Variants in CCSER1 observed in about 807,000 individuals in gnomAD.
The protein encoded by CCSER1 is serine-rich coiled-coil domain-containing protein 1.
A neutral mutation model predicts 82.0 loss-of-function variants in CCSER1; 41 were observed. The observed-to-expected ratio is 0.50, with a 90% CI of 0.39 to 0.65. The LOEUF (loss-of-function observed/expected upper bound fraction) is 0.65, where lower values mean the gene tolerates loss of function less well. Among genes scored for constraint, CCSER1 ranks in the 30% least tolerant of loss-of-function variants. The pLI is 0.00. For missense variants in CCSER1, 1,119 were observed against 1,064.2 expected (o/e 1.05, Z -0.72); for synonymous variants, 414 against 383.9 (o/e 1.08, Z -0.92).
At position 90,794,844 on chromosome 4, in the gene CCSER1, C is replaced by T. The variant is rs146271213; in HGVS notation, c.2011-20918C>T. 5.3e-5 allele frequency among the ~76,000 whole-genome samples: 8 copies of T among 152,154 alleles called. No homozygotes were observed. In the East Asian group the frequency reaches 9.7e-4, roughly 18 times the overall value. ...TTGTTTGTGTCATCTGTGATTTCTT[C>T]GAGAAGTGTTTTGTAGTTCTCTTTG... is the stretch of plus-strand genomic sequence containing the variant. On this transcript the variant is annotated intron_variant, in intron 7 of 10. Coordinates refer to ENST00000509176, the MANE Select transcript of CCSER1 (RefSeq NM_001145065.2).
intron 9 of CCSER1, among the ~76,000 whole-genome samples, chr4:91,012,788 A>G (rs1212703522): frequency 1.2e-5 from 1 of 84,382 alleles, no homozygotes; most frequent in Non-Finnish European, 3.5e-5. Context: ...GAGGATAGCT[A>G]TTTGAACACT....
At chr4:91,386,043 G>A (rs1751265386) in intron 10 of CCSER1, among the ~76,000 whole-genome samples, 2 of 151,402 alleles carry the variant, frequency 1.3e-5, no homozygotes, top group African/African-American at 2.4e-5. Flanking sequence ...GGCCCTCTTA[G>A]TAAACAGATA....
intron 10 of CCSER1, among the ~76,000 whole-genome samples, chr4:91,519,492 T>A (rs1760332561): frequency 6.6e-6 from 1 of 152,174 alleles, no homozygotes; most frequent in African/African-American, 2.4e-5. Flanking sequence ...TCTAGCCCCC[T>A]TCCTCGGGGC....
intron 9 of CCSER1, among the ~76,000 whole-genome samples, chr4:90,940,128 A>G (rs2150324555): frequency 6.6e-6 from 1 of 152,314 alleles, no homozygotes; most frequent in Non-Finnish European, 1.5e-5. Context: ...TGTATTAGCA[A>G]CTGAAGTAAG....
chr4:90,956,944 CT>C (rs35180536), intron 9 of CCSER1, among the ~76,000 whole-genome samples: 37 of 129,314 alleles, frequency 2.9e-4, no homozygotes, highest in East Asian at 4.5e-4. Context: ...CACAACCAGC[CT>C]TTTTTTTTTT....
chr4:91,594,402 CA>C (rs1764441261), intron 10 of CCSER1, among the ~76,000 whole-genome samples: 1 of 145,336 alleles, frequency 6.9e-6, no homozygotes, highest in African/African-American at 2.6e-5. Flanking sequence ...CATATATACA[CA>C]TATATACACA....
intron 1 of CCSER1, among the ~76,000 whole-genome samples, chr4:90,170,087 TTC>T (rs1731345248): frequency 6.6e-6 from 1 of 151,994 alleles, no homozygotes; most frequent in African/African-American, 2.4e-5. Flanking sequence ...TTTCCAAATG[TTC>T]TTAAAGTCCC....
intron 9 of CCSER1, among the ~76,000 whole-genome samples, chr4:90,953,109 A>G (rs556492065): frequency 1.6e-3 from 237 of 152,138 alleles, no homozygotes; most frequent in African/African-American, 5.4e-3. Flanking sequence ...TCAGTGAAAT[A>G]TGAGTTTTGA....
chr4:91,440,374 G>C (rs185987450), intron 10 of CCSER1, among the ~76,000 whole-genome samples: 1 of 152,066 alleles, frequency 6.6e-6, no homozygotes, highest in African/African-American at 2.4e-5. Context: ...TACTGGGTAC[G>C]TAACGAAATG....
At chr4:91,153,116 G>T (rs1194741732) in intron 10 of CCSER1, among the ~76,000 whole-genome samples, 3 of 151,918 alleles carry the variant, frequency 2.0e-5, no homozygotes, top group African/African-American at 4.8e-5. Context: ...TTCCAACTTG[G>T]TTCCATTCTC....
intron 9 of CCSER1, among the ~76,000 whole-genome samples, chr4:90,948,945 C>T (rs1368085993): frequency 1.3e-5 from 2 of 151,978 alleles, no homozygotes; most frequent in Non-Finnish European, 2.9e-5. Flanking sequence ...TAGGCATAAT[C>T]ACAATACTTT....
At position 90,743,875 on chromosome 4, in the gene CCSER1, C is replaced by T. The variant is rs535851845; in HGVS notation, c.2010+19884C>T. On this transcript the variant is annotated intron_variant, in intron 7 of 10. Coordinates refer to ENST00000509176, the MANE Select transcript of CCSER1 (RefSeq NM_001145065.2). Reference sequence around the variant, plus strand: ...CAGGAATAAACCTGACAATGGTGTACTCTCTTGTTAGCATTAGCCCTTTTT... The same window carrying T: ...CAGGAATAAACCTGACAATGGTGTATTCTCTTGTTAGCATTAGCCCTTTTT... Among the ~76,000 whole-genome samples, 11 of 152,248 alleles carry T rather than the reference C, an allele frequency of 7.2e-5. No individual in the cohort carries two copies. The South Asian group carries it at 2.1e-3, about 29-fold the overall frequency.
At chr4:90,631,013 C>A (rs974601034) in intron 6 of CCSER1, among the ~76,000 whole-genome samples, 1 of 151,824 alleles carries the variant, frequency 6.6e-6, no homozygotes, top group Admixed American at 6.6e-5. Context: ...CCTGCCTCAG[C>A]CTCCCGAGTA....
intron 5 of CCSER1, among the ~76,000 whole-genome samples, chr4:90,620,875 G>A (rs186598485): frequency 4.6e-5 from 7 of 152,056 alleles, no homozygotes; most frequent in South Asian, 4.2e-4. Flanking sequence ...GTGCAGTGGC[G>A]CGATCTCAGC....
At chr4:90,248,856 G>A (rs1721888149) in intron 1 of CCSER1, among the ~76,000 whole-genome samples, 1 of 151,142 alleles carries the variant, frequency 6.6e-6, no homozygotes, top group Non-Finnish European at 1.5e-5. Context: ...CGCCATCACA[G>A]TCAGCTAATT....
chr4:91,310,868 A>T (rs1444686217), intron 10 of CCSER1, among the ~76,000 whole-genome samples: 1 of 151,942 alleles, frequency 6.6e-6, no homozygotes, highest in East Asian at 2.0e-4. Context: ...TTTTTAGCTC[A>T]TCAGGTATTG....
intron 10 of CCSER1, among the ~76,000 whole-genome samples, chr4:91,308,180 C>G (rs1158060701): frequency 6.6e-6 from 1 of 151,974 alleles, no homozygotes; most frequent in Non-Finnish European, 1.5e-5. Flanking sequence ...TACCACTGCA[C>G]TGTTCATGTC....
chr4:91,570,204 AG>A (rs1462779981), intron 10 of CCSER1, among the ~76,000 whole-genome samples: 1 of 152,180 alleles, frequency 6.6e-6, no homozygotes, highest in Non-Finnish European at 1.5e-5. Flanking sequence ...TTCAGGGTCT[AG>A]CCCCAGTTCT....
intron 5 of CCSER1, among the ~76,000 whole-genome samples, chr4:90,469,952 G>T (rs534277987): frequency 1.4e-4 from 22 of 152,194 alleles, no homozygotes; most frequent in African/African-American, 4.8e-4. Context: ...ATTTGAAATG[G>T]AACATGAGCA....
Sources: allele counts gnomAD v4.1 joint callset (sites outside exome capture counted in the v4.1 genomes callset), GRCh38; gene constraint gnomAD v4.1.1; transcripts MANE v1.5; gene names NCBI Gene and HGNC (gene_info 2026-07-23, HGNC 2026-07-21).